GNRHR: variants seen among roughly 807,000 people sequenced by gnomAD.
The protein encoded by GNRHR is gonadotropin-releasing hormone receptor.
GNRHR carries 14 observed loss-of-function variants against 28.1 expected under a neutral mutation model. The observed-to-expected ratio is 0.50, with a 90% confidence interval of 0.33 to 0.78. The LOEUF (loss-of-function observed/expected upper bound fraction) is 0.78, where lower values mean the gene tolerates loss of function less well. GNRHR is among the 30% of genes least tolerant of loss of function. The pLI is 0.02. For missense variants in GNRHR, 366 were observed against 382.1 expected (o/e 0.96, Z 0.35); for synonymous variants, 141 against 140.5 (o/e 1.00, Z -0.02).
intron 1 of GNRHR, among the ~76,000 whole-genome samples, chr4:67,748,207 A>G (rs1466692215): frequency 6.6e-6 from 1 of 152,056 alleles, no homozygotes; most frequent in Non-Finnish European, 1.5e-5. Context: ...CCTTACCCAC[A>G]CTAATTACAC....
intron 1 of GNRHR, chr4:67,751,595 A>G (rs957457534): frequency 6.6e-6 from 1 of 152,232 alleles, no homozygotes; most frequent in Non-Finnish European, 1.5e-5. Context: ...ATCAAGTTAG[A>G]TAAATATTTG....
At position 67,739,614 on chromosome 4, in the gene GNRHR, C is replaced by T. The variant is rs190007287; in HGVS notation, c.*866G>A. The T allele has an allele frequency of 1.1e-3, 169 of 152,090 alleles. 2 individuals carry two copies. The highest frequency in any genetic ancestry group is 0.011 in the Admixed American group (167 of 15,254). 9.4% of individuals were successfully genotyped at this position (152,090 alleles called of 1,614,324 possible). A position where few individuals can be genotyped will look rare whatever the true frequency, so the allele number is the denominator to read the frequency against. On this transcript the variant is annotated 3_prime_UTR_variant, in exon 3 of 3. Coordinates refer to ENST00000226413, the MANE Select transcript of GNRHR (RefSeq NM_000406.3). ...TTATGAAATATGGATTTAGTAAGAT[C>T]AGGAGAGAGACAAAAAATTCTTCAC...
rs1410690249 is a variant in GNRHR, at chr4:67,737,760, C to G, written c.*2720G>C. Among the ~76,000 whole-genome samples the G allele has an allele frequency of 6.6e-6, 1 of 151,744 alleles. No individual in the cohort carries two copies. Among genetic ancestry groups the G allele is most frequent in the Non-Finnish European group, 1.5e-5 (1 of 67,806 alleles). ...CTAAACTGAATTGCTAAAAGAAATT[C>G]CATTTTTAACTAGTTTTATAGGCTA... is the stretch of plus-strand genomic sequence containing the variant. On this transcript the variant is annotated 3_prime_UTR_variant, in exon 3 of 3. Transcript: ENST00000226413.
At chr4:67,740,767 C>A in intron 2 of GNRHR, 43 bp from the exon 3 acceptor site, 1 of 1,534,064 alleles carries the variant, frequency 6.5e-7, no homozygotes, top group Non-Finnish European at 9.0e-7. Flanking sequence ...GATCAGTTTT[C>A]TTACAAAACC....
At chr4:67,743,990 A>ATGTTTATTTC (rs1467222842) in intron 2 of GNRHR, among the ~76,000 whole-genome samples, 1 of 152,234 alleles carries the variant, frequency 6.6e-6, no homozygotes, top group Non-Finnish European at 1.5e-5. Flanking sequence ...CCAACATAAC[A>ATGTTTATTTC]ATGTTTATTT....
rs996382264 is a variant in GNRHR, at chr4:67,739,762, A to G, written c.*718T>C. The G allele has an allele frequency of 6.6e-6, 1 of 152,036 alleles. No individual in the cohort carries two copies. Among genetic ancestry groups the G allele is most frequent in the African/African-American group, 2.4e-5 (1 of 41,418 alleles). 9.4% of individuals were successfully genotyped at this position (152,036 alleles called of 1,614,324 possible). The stretch of plus-strand genomic sequence containing the variant: ...ACAAACTCCACAGACTAGATAGCTT[A>G]GAGGAATGTTCTAAACCCCTGTCCA... On this transcript the variant is annotated 3_prime_UTR_variant, in exon 3 of 3. Transcript: ENST00000226413.
intron 1 of GNRHR, among the ~76,000 whole-genome samples, chr4:67,749,621 C>T (rs931404066): frequency 4.0e-5 from 6 of 151,884 alleles, no homozygotes; most frequent in Admixed American, 3.3e-4. Context: ...TTCCCTCCTT[C>T]GTTTTTCTTT....
chr4:67,741,938 A>G (rs1577866806), intron 2 of GNRHR, among the ~76,000 whole-genome samples: 1 of 152,228 alleles, frequency 6.6e-6, no homozygotes, highest in East Asian at 1.9e-4. Flanking sequence ...TTCTTTGTAG[A>G]TTCTGGGTAT....
chr4:67,740,388 T>C lies in GNRHR; in HGVS notation c.*92A>G. On this transcript the variant is annotated 3_prime_UTR_variant, in exon 3 of 3. Coordinates refer to ENST00000226413, the MANE Select transcript of GNRHR (RefSeq NM_000406.3). ...GTGTAAATCCTACTTTGTTTGTATG[T>C]AAACATGCTCCAACATTTGTGTTAA... is the stretch of plus-strand genomic sequence containing the variant. 1.0e-6 allele frequency: 1 copy of C among 984,158 alleles called. No homozygotes were observed. Among genetic ancestry groups the C allele is most frequent in the Non-Finnish European group, 1.6e-6 (1 of 614,722 alleles). The allele number at this position is 984,158 out of a possible 1,614,324, so 61.0% of individuals were successfully genotyped here.
At chr4:67,744,824 C>T (rs1577868513) in intron 1 of GNRHR, 37 bp from the exon 2 acceptor site, 1 of 1,229,516 alleles carries the variant, frequency 8.1e-7, no homozygotes, top group East Asian at 2.3e-5. Flanking sequence ...TACTTTTTTC[C>T]ATATGGTATT....
At chr4:67,749,635 A>C (rs1731830189) in intron 1 of GNRHR, among the ~76,000 whole-genome samples, 1 of 149,982 alleles carries the variant, frequency 6.7e-6, no homozygotes, top group Admixed American at 6.6e-5. Context: ...TTTCTTTTCT[A>C]CCTTTCCTCC....
intron 2 of GNRHR, among the ~76,000 whole-genome samples, chr4:67,744,255 A>G (rs2109983141): frequency 6.6e-6 from 1 of 152,338 alleles, no homozygotes. Context: ...AGATATCACA[A>G]TTTGTACTTG....
At chr4:67,751,147 G>T (rs974708162) in intron 1 of GNRHR, among the ~76,000 whole-genome samples, 5 of 152,136 alleles carry the variant, frequency 3.3e-5, no homozygotes, top group African/African-American at 1.2e-4. Context: ...AAATGTAACA[G>T]AATAGAATAT....
At chr4:67,741,806 G>A (rs1342194189) in intron 2 of GNRHR, among the ~76,000 whole-genome samples, 1 of 152,198 alleles carries the variant, frequency 6.6e-6, no homozygotes, top group East Asian at 1.9e-4. Context: ...CATTAGTGAT[G>A]TTGAGCATTT....
chr4:67,749,910 C>T (rs1560518828), intron 1 of GNRHR, among the ~76,000 whole-genome samples: 1 of 152,056 alleles, frequency 6.6e-6, no homozygotes, highest in Non-Finnish European at 1.5e-5. Context: ...TTTCTTTTTG[C>T]TGTTTCTTAA....
chr4:67,744,488 A>T, intron 2 of GNRHR, 80 bp downstream of exon 2: 7 of 818,800 alleles, frequency 8.5e-6, no homozygotes, highest in Non-Finnish European at 8.7e-6. Flanking sequence ...AGTATCTGTC[A>T]CATAGTTCAT....
In GNRHR at chr4:67,744,569, GT is replaced by G; in HGVS notation, c.740del (p.His247ProfsTer5). 6.4e-7 allele frequency: 1 copy of G among 1,558,046 alleles called. No individual in the cohort carries two copies. The highest frequency in any genetic ancestry group is 2.2e-5 in the East Asian group (1 of 44,614). Reference protein sequence around the residue: ...TLTRVLHQDPHELQLNQSKNN... With the variant: ...TLTRVLHQDPXELQLNQSKNN... ...ACACTAACTCTAAGGAATACATACC[GT>G]GGGGGTCCTGATGAAGGACCCGTGT... On this transcript the variant is annotated frameshift_variant and splice_region_variant, in exon 2 of 3. Transcript: ENST00000226413. LOFTEE classifies it high-confidence loss of function.
rs1487655741 is a variant in GNRHR at position 67,738,673 on chromosome 4, T to C, written c.*1807A>G. On this transcript the variant is annotated 3_prime_UTR_variant, in exon 3 of 3. Transcript: ENST00000226413. ...AGGACACTGGTTTTGTTTCAACTTATCTACATCCCTGTGTTATCTACAAGA... is the reference window on the plus strand; with the variant it reads ...AGGACACTGGTTTTGTTTCAACTTACCTACATCCCTGTGTTATCTACAAGA... Among the ~76,000 whole-genome samples the C allele has an allele frequency of 2.6e-5, 4 of 152,050 alleles. No homozygotes were observed. The highest frequency in any genetic ancestry group is 4.4e-5 in the Non-Finnish European group (3 of 67,904).
chr4:67,749,215 C>G (rs1731821805), intron 1 of GNRHR, among the ~76,000 whole-genome samples: 1 of 152,094 alleles, frequency 6.6e-6, no homozygotes, highest in African/African-American at 2.4e-5. Flanking sequence ...GCATTCTACA[C>G]CAGTAAATTC....
Sources: gnomAD v4.1 joint callset for allele counts (sites outside exome capture counted in the v4.1 genomes callset) on GRCh38, gnomAD v4.1.1 for gene constraint, MANE v1.5 for transcripts, NCBI Gene and HGNC (gene_info 2026-07-23, HGNC 2026-07-21) for gene names.